S100A8: variants seen among roughly 807,000 people sequenced by gnomAD.
S100A8 encodes the protein protein S100-A8.
In S100A8, 1 loss-of-function variant was observed where a neutral mutation model predicts 4.2. The ratio of observed to expected loss-of-function variants is 0.24; its 90% confidence interval spans 0.08 to 1.12. The LOEUF (loss-of-function observed/expected upper bound fraction) is 1.12, where lower values mean the gene tolerates loss of function less well. Among genes scored for constraint, S100A8 ranks in the 50% most tolerant of loss-of-function variants. The pLI is 0.53. For missense variants in S100A8, 96 were observed against 111.8 expected (o/e 0.86, Z 0.64); for synonymous variants, 41 against 44.7 (o/e 0.92, Z 0.33).
the S100A8 span, among the ~76,000 whole-genome samples, chr1:153,406,803 G>A: frequency 6.6e-6 from 1 of 152,186 alleles, no homozygotes; most frequent in Non-Finnish European, 1.5e-5. Context: ...TTGGATGTGT[G>A]ATAGGATGGG....
the S100A8 span, among the ~76,000 whole-genome samples, chr1:153,408,815 C>T: frequency 6.6e-6 from 1 of 152,166 alleles, no homozygotes; most frequent in East Asian, 1.9e-4. Flanking sequence ...AGAGTCGGGG[C>T]CAATATTCAA....
At chr1:153,414,918 C>A in the S100A8 span, among the ~76,000 whole-genome samples, 5 of 152,278 alleles carry the variant, frequency 3.3e-5, no homozygotes, top group South Asian at 8.3e-4. Flanking sequence ...CTTCACCCAC[C>A]ACCTGACCTC....
At chr1:153,420,974 G>A in the S100A8 span, 2 of 152,414 alleles carry the variant, frequency 1.3e-5, no homozygotes, top group Non-Finnish European at 2.9e-5. Flanking sequence ...CCTCCACCGG[G>A]ACTGCTGGTC....
At chr1:153,418,105 G>A in the S100A8 span, 5 of 1,614,154 alleles carry the variant, frequency 3.1e-6, no homozygotes, top group Non-Finnish European at 3.4e-6. Context: ...CAAGCTGAGA[G>A]GTCCATAATA....
At chr1:153,391,526 G>A (rs552208620), upstream of S100A8, among the ~76,000 whole-genome samples, 5 of 152,320 alleles carry the variant, frequency 3.3e-5, no homozygotes, top group South Asian at 2.1e-4. Context: ...TCCAAAGACC[G>A]CAAAAGGGTT....
the S100A8 span, among the ~76,000 whole-genome samples, chr1:153,413,165 T>C: frequency 6.6e-6 from 1 of 152,180 alleles, no homozygotes; most frequent in Admixed American, 6.5e-5. Context: ...AATTATCTAA[T>C]ACAGATTATA....
the S100A8 span, among the ~76,000 whole-genome samples, chr1:153,411,034 G>A: frequency 2.0e-5 from 3 of 152,260 alleles, no homozygotes; most frequent in East Asian, 5.8e-4. Context: ...TACTAAATGG[G>A]CAAAAACTGG....
the S100A8 span, among the ~76,000 whole-genome samples, chr1:153,416,866 G>T: frequency 6.6e-6 from 1 of 152,188 alleles, no homozygotes; most frequent in African/African-American, 2.4e-5. Context: ...TTCCTCCCTG[G>T]ATTCATTCTC....
At chr1:153,390,361 C>A (rs756182092) in intron 2 of S100A8, 34 bp downstream of exon 2, 1 of 1,610,760 alleles carries the variant, frequency 6.2e-7, no homozygotes, top group Non-Finnish European at 8.5e-7. Context: ...CAGGACCAGG[C>A]AGAGAGCCCC....
At chr1:153,418,697 T>G in the S100A8 span, among the ~76,000 whole-genome samples, 3 of 152,146 alleles carry the variant, frequency 2.0e-5, no homozygotes, top group Non-Finnish European at 1.5e-5. Flanking sequence ...AGGGTCTAGA[T>G]GACCAAGAGT....
the S100A8 span, among the ~76,000 whole-genome samples, chr1:153,397,396 G>A: frequency 2.0e-5 from 3 of 152,240 alleles, no homozygotes; most frequent in Non-Finnish European, 2.9e-5. Flanking sequence ...CAGAACAAGG[G>A]AAAGGACAAA....
At chr1:153,402,686 A>T in the S100A8 span, among the ~76,000 whole-genome samples, 1 of 152,206 alleles carries the variant, frequency 6.6e-6, no homozygotes, top group African/African-American at 2.4e-5. Context: ...TGTAAAGCTG[A>T]TAGTTCTCCC....
At chr1:153,416,255 G>A in the S100A8 span, among the ~76,000 whole-genome samples, 1 of 152,112 alleles carries the variant, frequency 6.6e-6, no homozygotes, top group African/African-American at 2.4e-5. Flanking sequence ...CCCATTTCCT[G>A]ACCTGTTACT....
At chr1:153,413,974 A>G in the S100A8 span, among the ~76,000 whole-genome samples, 879 of 152,344 alleles carry the variant, frequency 5.8e-3, 7 homozygotes, top group African/African-American at 0.02. Context: ...ACTAATCAAT[A>G]GGAAATATTC....
chr1:153,418,218 G>A, the S100A8 span: 3 of 1,613,970 alleles, frequency 1.9e-6, no homozygotes, highest in South Asian at 1.1e-5. Context: ...TTTCCTCAGT[G>A]CCTGTGTGAG....
At chr1:153,403,175 G>A in the S100A8 span, among the ~76,000 whole-genome samples, 1 of 152,208 alleles carries the variant, frequency 6.6e-6, no homozygotes. Flanking sequence ...CCTCAGTCTT[G>A]AAGATTTACT....
At chr1:153,413,801 C>A in the S100A8 span, among the ~76,000 whole-genome samples, 5 of 151,876 alleles carry the variant, frequency 3.3e-5, no homozygotes, top group East Asian at 5.8e-4. Context: ...CTCAGAAGGC[C>A]GAGGCAGGAG....
At chr1:153,415,439 G>A in the S100A8 span, among the ~76,000 whole-genome samples, 1 of 152,066 alleles carries the variant, frequency 6.6e-6, no homozygotes, top group Non-Finnish European at 1.5e-5. Context: ...CATTGTAAGG[G>A]GGTAGCAGAA....
chr1:153,414,847 C>T, the S100A8 span, among the ~76,000 whole-genome samples: 12 of 152,296 alleles, frequency 7.9e-5, no homozygotes, highest in South Asian at 6.2e-4. Flanking sequence ...TGGTGAAGTC[C>T]GGGCTTTTAA....
Sources: gnomAD v4.1 joint callset for allele counts (sites outside exome capture counted in the v4.1 genomes callset) on GRCh38, gnomAD v4.1.1 for gene constraint, MANE v1.5 for transcripts, NCBI Gene and HGNC (gene_info 2026-07-23, HGNC 2026-07-21) for gene names.